Variants in USP15 observed in about 807,000 individuals in gnomAD.
USP15 encodes ubiquitin specific peptidase 15, also known as ubiquitin carboxyl-terminal hydrolase 15.
In USP15, 18 loss-of-function variants were observed where a neutral mutation model predicts 127.1. The observed-to-expected ratio is 0.14, with a 90% CI of 0.10 to 0.21. The LOEUF (loss-of-function observed/expected upper bound fraction) is 0.21. USP15 is among the 10% of genes least tolerant of loss of function. The pLI is 1.00. For synonymous variants in USP15, 364 were observed against 393.7 expected, an observed-to-expected ratio of 0.92 and a Z score of 0.89; for missense variants, 805 against 1,159.9, an observed-to-expected ratio of 0.69 and a Z score of 4.44.
At chr12:62,261,385 T>C (rs750416743) in intron 1 of USP15, among the ~76,000 whole-genome samples, 5 of 152,248 alleles carry the variant, frequency 3.3e-5, no homozygotes, top group Non-Finnish European at 7.3e-5. Flanking sequence ...TAACATAATT[T>C]AAAATTCCTT....
At chr12:62,390,040 A>G in intron 14 of USP15, 52 bp downstream of exon 14, 1 of 1,437,598 alleles carries the variant, frequency 7.0e-7, no homozygotes, top group Non-Finnish European at 9.3e-7. Flanking sequence ...AATAAAATAT[A>G]AAATAGCTAA....
intron 8 of USP15, among the ~76,000 whole-genome samples, chr12:62,379,430 G>C (rs542636300): frequency 6.6e-6 from 1 of 152,090 alleles, no homozygotes; most frequent in Non-Finnish European, 1.5e-5. Context: ...TAGCAAGGAA[G>C]CAACATGATG....
At chr12:62,278,056 A>T (rs1201987863) in intron 1 of USP15, among the ~76,000 whole-genome samples, 2 of 152,272 alleles carry the variant, frequency 1.3e-5, no homozygotes, top group Middle Eastern at 6.8e-3. Flanking sequence ...TCATATCCTT[A>T]TTCTATAAGC....
intron 8 of USP15, among the ~76,000 whole-genome samples, chr12:62,371,708 A>G (rs982708443): frequency 6.6e-6 from 1 of 152,214 alleles, no homozygotes; most frequent in Admixed American, 6.5e-5. Context: ...CACACCCACA[A>G]TAAAGCTTCT....
chr12:62,324,101 T>A (rs550667370), intron 5 of USP15, among the ~76,000 whole-genome samples: 1 of 152,140 alleles, frequency 6.6e-6, no homozygotes, highest in African/African-American at 2.4e-5. Flanking sequence ...AAGCATTTCT[T>A]CTCTCCTTTT....
At chr12:62,352,905 C>A (rs2167286) in intron 7 of USP15, among the ~76,000 whole-genome samples, 130,084 of 151,860 alleles carry the variant, frequency 0.86, 55,989 homozygotes, top group African/African-American at 0.93. Context: ...TATAATATTA[C>A]AATTCCCATT....
chr12:62,269,704 A>G (rs1220320608), intron 1 of USP15, among the ~76,000 whole-genome samples: 1 of 152,120 alleles, frequency 6.6e-6, no homozygotes, highest in Non-Finnish European at 1.5e-5. Flanking sequence ...TATAGGCATG[A>G]GCCACTGTGT....
rs556205685 is a variant in USP15 at position 62,276,260 on chromosome 12, T to A, written c.89+15757T>A. Among the ~76,000 whole-genome samples the A allele has an allele frequency of 3.1e-4, 47 of 152,250 alleles. 1 individual carries two copies. Among genetic ancestry groups the A allele is most frequent in the African/African-American group, 1.1e-3 (46 of 41,582 alleles). The stretch of plus-strand genomic sequence containing the variant: ...AAATGTCTTAGTATTCAGAAATACT[T>A]CACCTTTGGTTTCATTTATAAAGCA... On this transcript the variant is annotated intron_variant, in intron 1 of 21. Coordinates refer to ENST00000280377, the MANE Select transcript of USP15 (RefSeq NM_001252078.2).
At chr12:62,363,967 G>A (rs2066396715) in intron 8 of USP15, among the ~76,000 whole-genome samples, 1 of 152,024 alleles carries the variant, frequency 6.6e-6, no homozygotes, top group African/African-American at 2.4e-5. Flanking sequence ...TTAATTTTAG[G>A]CATGTTCAGT....
chr12:62,373,252 T>C (rs2066729546), intron 8 of USP15, among the ~76,000 whole-genome samples: 1 of 152,080 alleles, frequency 6.6e-6, no homozygotes, highest in Non-Finnish European at 1.5e-5. Flanking sequence ...GGTAGTCTTT[T>C]TGACAAACTT....
At chr12:62,328,410 G>A in intron 6 of USP15, 1 of 336,972 alleles carries the variant, frequency 3.0e-6, no homozygotes, top group Admixed American at 3.0e-5. Context: ...TTCTTTGTAA[G>A]TAGATGGCAA....
chr12:62,374,847 T>C (rs1282880493), intron 8 of USP15, among the ~76,000 whole-genome samples: 2 of 152,112 alleles, frequency 1.3e-5, no homozygotes, highest in African/African-American at 2.4e-5. Flanking sequence ...AGAAAAGTTA[T>C]GTGCAATGCA....
intron 21 of USP15, among the ~76,000 whole-genome samples, chr12:62,402,667 G>A (rs1210361286): frequency 6.6e-6 from 1 of 152,048 alleles, no homozygotes; most frequent in Non-Finnish European, 1.5e-5. Flanking sequence ...GGGACATGGG[G>A]AAGAAATTAG....
chr12:62,342,343 A>G (rs563963676), intron 6 of USP15, among the ~76,000 whole-genome samples: 8 of 151,986 alleles, frequency 5.3e-5, no homozygotes, highest in Non-Finnish European at 8.8e-5. Context: ...GCTTCCTTGC[A>G]TTGGGTTAGA....
chr12:62,267,104 T>C (rs979924144), intron 1 of USP15: 1 of 152,134 alleles, frequency 6.6e-6, no homozygotes, highest in African/African-American at 2.4e-5. Context: ...TTTTCAACAA[T>C]TACTAAATAC....
At chr12:62,305,686 T>A (rs2137210299) in intron 3 of USP15, 1 of 152,260 alleles carries the variant, frequency 6.6e-6, no homozygotes, top group East Asian at 1.9e-4. Flanking sequence ...TGAAAATGTG[T>A]ATAGAATTAA....
intron 1 of USP15, among the ~76,000 whole-genome samples, chr12:62,276,344 C>A (rs1463118051): frequency 1.3e-5 from 2 of 152,028 alleles, no homozygotes; most frequent in African/African-American, 4.8e-5. Flanking sequence ...AATTACTACT[C>A]TGGGCTGCTC....
At chr12:62,384,577 A>G (rs998307045) in intron 11 of USP15, among the ~76,000 whole-genome samples, 2 of 151,532 alleles carry the variant, frequency 1.3e-5, no homozygotes, top group African/African-American at 2.4e-5. Flanking sequence ...GGTGAATATT[A>G]GCTTATGAAG....
chr12:62,379,480 A>G (rs2066924841), intron 8 of USP15, among the ~76,000 whole-genome samples: 1 of 152,116 alleles, frequency 6.6e-6, no homozygotes, highest in Non-Finnish European at 1.5e-5. Context: ...ATACTACTGG[A>G]AAGCTAAAAA....
Sources: gnomAD v4.1 joint callset for allele counts (sites outside exome capture counted in the v4.1 genomes callset) on GRCh38, gnomAD v4.1.1 for gene constraint, MANE v1.5 for transcripts, NCBI Gene and HGNC (gene_info 2026-07-23, HGNC 2026-07-21) for gene names.